Variants in LUZP2 observed in about 807,000 individuals in gnomAD.
LUZP2 encodes leucine zipper protein 2.
In LUZP2, 52 loss-of-function variants were observed where a neutral mutation model predicts 51.6. The ratio of observed to expected loss-of-function variants is 1.01; its 90% confidence interval spans 0.81 to 1.27. The LOEUF (loss-of-function observed/expected upper bound fraction) is 1.27. LUZP2 is among the 50% of genes most tolerant of loss of function. LUZP2 has a pLI of 0.00. For missense variants in LUZP2, 436 were observed against 395.4 expected, an observed-to-expected ratio of 1.10 and a Z score of -0.87; for synonymous variants, 154 against 137.3, an observed-to-expected ratio of 1.12 and a Z score of -0.85.
intron 1 of LUZP2, among the ~76,000 whole-genome samples, chr11:24,580,686 A>G (rs10834397): frequency 6.6e-6 from 1 of 152,020 alleles, no homozygotes; most frequent in Non-Finnish European, 1.5e-5. Flanking sequence ...TCAATACTTA[A>G]TGTTCATTCT....
intron 5 of LUZP2, among the ~76,000 whole-genome samples, chr11:24,787,823 A>G (rs561161862): frequency 8.5e-5 from 13 of 152,298 alleles, no homozygotes; most frequent in African/African-American, 3.1e-4. Context: ...GAAATTAGTT[A>G]CACAATGTTG....
At position 24,618,127 on chromosome 11, in the gene LUZP2, A is replaced by T. The variant is rs1313209873; in HGVS notation, c.63-111042A>T. On this transcript the variant is annotated intron_variant, in intron 1 of 11. Coordinates refer to ENST00000336930, the MANE Select transcript of LUZP2 (RefSeq NM_001009909.4). Reference sequence around the variant, plus strand: ...TTCACTATCAATGTGGCCTACACTGATACCACTCAGGGGATGGGGGAATGT... The same window carrying T: ...TTCACTATCAATGTGGCCTACACTGTTACCACTCAGGGGATGGGGGAATGT... Among the ~76,000 whole-genome samples, 3 of 152,150 alleles carry T rather than the reference A, an allele frequency of 2.0e-5. No individual in the cohort carries two copies. The East Asian group carries it at 5.8e-4, about 29-fold the overall frequency.
At chr11:25,072,954 G>C (rs572983190) in intron 10 of LUZP2, among the ~76,000 whole-genome samples, 2 of 152,022 alleles carry the variant, frequency 1.3e-5, no homozygotes, top group African/African-American at 4.8e-5. Context: ...GGTATGGCAG[G>C]ATCTTTATTG....
chr11:24,568,634 TTATAA>T (rs1331363892), intron 1 of LUZP2, among the ~76,000 whole-genome samples: 21 of 151,920 alleles, frequency 1.4e-4, no homozygotes, highest in Admixed American at 7.2e-4. Context: ...AGGAAAATTA[TTATAA>T]TATAATTATT....
At chr11:24,744,444 G>A (rs970345975) in intron 4 of LUZP2, among the ~76,000 whole-genome samples, 4 of 152,040 alleles carry the variant, frequency 2.6e-5, no homozygotes, top group African/African-American at 4.8e-5. Flanking sequence ...TAGGAGGGTG[G>A]TATTTTTCCA....
chr11:24,904,107 T>C (rs1853364960), intron 5 of LUZP2, among the ~76,000 whole-genome samples: 2 of 152,166 alleles, frequency 1.3e-5, no homozygotes, highest in African/African-American at 4.8e-5. Flanking sequence ...GCATAAGAGT[T>C]CCCCTTTCTC....
intron 5 of LUZP2, among the ~76,000 whole-genome samples, chr11:24,889,065 A>T (rs897027246): frequency 2.6e-5 from 4 of 152,206 alleles, no homozygotes; most frequent in Non-Finnish European, 5.9e-5. Flanking sequence ...ATTGAGAGGT[A>T]TTCCCTAAAT....
intron 1 of LUZP2, among the ~76,000 whole-genome samples, chr11:24,680,219 G>A (rs574807097): frequency 7.2e-5 from 11 of 152,356 alleles, no homozygotes; most frequent in South Asian, 2.1e-4. Context: ...AGTTGCTAAT[G>A]TCCTTCTGGC....
chr11:24,639,635 G>A (rs1855215974), intron 1 of LUZP2, among the ~76,000 whole-genome samples: 1 of 151,734 alleles, frequency 6.6e-6, no homozygotes, highest in Non-Finnish European at 1.5e-5. Flanking sequence ...ATTTTTAGTA[G>A]AGACAGGGTT....
chr11:24,559,938 T>G (rs1851981673), intron 1 of LUZP2, among the ~76,000 whole-genome samples: 1 of 152,036 alleles, frequency 6.6e-6, no homozygotes, highest in Admixed American at 6.6e-5. Context: ...GCTGACTCTT[T>G]AGGGAGGTAG....
intron 7 of LUZP2, among the ~76,000 whole-genome samples, chr11:24,918,799 G>A (rs1490115995): frequency 2.8e-5 from 4 of 145,166 alleles, no homozygotes; most frequent in Non-Finnish European, 6.0e-5. Flanking sequence ...AATTATATCT[G>A]CCTGGTCATT....
chr11:24,777,484 A>G (rs890285549), intron 5 of LUZP2, among the ~76,000 whole-genome samples: 2 of 152,186 alleles, frequency 1.3e-5, no homozygotes, highest in African/African-American at 4.8e-5. Flanking sequence ...GACTTAGTAT[A>G]AACACTATAA....
intron 1 of LUZP2, among the ~76,000 whole-genome samples, chr11:24,602,254 G>GTACATACATATATACA (rs1565021028): frequency 1.4e-4 from 10 of 73,702 alleles, no homozygotes; most frequent in African/African-American, 6.5e-4. Context: ...GTATATATAT[G>GTACATACATATATACA]CAAACATATA....
intron 5 of LUZP2, among the ~76,000 whole-genome samples, chr11:24,784,948 A>G (rs1361254262): frequency 6.6e-6 from 1 of 152,068 alleles, no homozygotes; most frequent in Non-Finnish European, 1.5e-5. Context: ...AGATATTAGA[A>G]TTCACTTGGG....
intron 10 of LUZP2, among the ~76,000 whole-genome samples, chr11:25,077,116 C>G (rs1357972736): frequency 6.6e-6 from 1 of 152,076 alleles, no homozygotes; most frequent in Non-Finnish European, 1.5e-5. Context: ...CCATAAGCAC[C>G]ACTGTGATCC....
chr11:24,643,899 T>G (rs918929980), intron 1 of LUZP2, among the ~76,000 whole-genome samples: 2 of 152,206 alleles, frequency 1.3e-5, no homozygotes, highest in Non-Finnish European at 2.9e-5. Context: ...TTCTAATTAA[T>G]AGAGTATTCT....
intron 4 of LUZP2, among the ~76,000 whole-genome samples, chr11:24,761,034 AT>A (rs1259089234): frequency 1.3e-5 from 2 of 152,186 alleles, no homozygotes; most frequent in Non-Finnish European, 2.9e-5. Flanking sequence ...CCTAGATTTT[AT>A]TTTAGAGTCA....
At chr11:24,923,966 C>G (rs553299515) in intron 7 of LUZP2, among the ~76,000 whole-genome samples, 2 of 152,258 alleles carry the variant, frequency 1.3e-5, no homozygotes, top group South Asian at 2.1e-4. Flanking sequence ...ACCTCGTTGA[C>G]TGTTATTCTA....
chr11:24,574,677 G>A (rs532754550), intron 1 of LUZP2, among the ~76,000 whole-genome samples: 6 of 152,152 alleles, frequency 3.9e-5, no homozygotes, highest in East Asian at 3.9e-4. Flanking sequence ...GAGAATGTTA[G>A]CAGGGAGATT....
Sources: allele counts gnomAD v4.1 joint callset (sites outside exome capture counted in the v4.1 genomes callset), GRCh38; gene constraint gnomAD v4.1.1; transcripts MANE v1.5; gene names NCBI Gene and HGNC (gene_info 2026-07-23, HGNC 2026-07-21).